Variants in USH2A observed in about 807,000 individuals in gnomAD.
USH2A encodes usherin.
A neutral mutation model predicts 538.9 loss-of-function variants in USH2A; 443 were observed. That is an observed-to-expected ratio of 0.82 (90% CI 0.76 to 0.89). The LOEUF (loss-of-function observed/expected upper bound fraction) is 0.89, where lower values mean the gene tolerates loss of function less well. Ranked by LOEUF, USH2A falls within the 40% of genes least tolerant of loss-of-function variation. USH2A has a pLI of 0.00. For synonymous variants in USH2A, 2,413 were observed against 2,273.5 expected, an observed-to-expected ratio of 1.06 and a Z score of -1.75; for missense variants, 6,633 against 6,324.8, an observed-to-expected ratio of 1.05 and a Z score of -1.65.
intron 27 of USH2A, among the ~76,000 whole-genome samples, chr1:216,076,721 C>A (rs2031766496): frequency 6.6e-6 from 1 of 152,154 alleles, no homozygotes; most frequent in Admixed American, 6.6e-5. Context: ...CTCCTTACTA[C>A]TACCCTTCTA....
intron 37 of USH2A, among the ~76,000 whole-genome samples, chr1:215,952,623 T>C (rs1264141407): frequency 2.0e-5 from 3 of 152,200 alleles, no homozygotes; most frequent in Non-Finnish European, 2.9e-5. Flanking sequence ...GTATTTTTTT[T>C]CTCCTTCACT....
At chr1:215,657,653 T>C (rs927878598) in intron 64 of USH2A, among the ~76,000 whole-genome samples, 2 of 152,160 alleles carry the variant, frequency 1.3e-5, no homozygotes, top group Non-Finnish European at 2.9e-5. Flanking sequence ...TTAGGCAAGA[T>C]AGAACGTGAT....
At chr1:216,053,904 A>C (rs779733051) in intron 30 of USH2A, among the ~76,000 whole-genome samples, 2 of 152,142 alleles carry the variant, frequency 1.3e-5, no homozygotes, top group Non-Finnish European at 2.9e-5. Flanking sequence ...CAGGGACTTG[A>C]TTTAAGGGAA....
intron 16 of USH2A, among the ~76,000 whole-genome samples, chr1:216,204,829 C>T (rs1367831502): frequency 6.6e-6 from 1 of 152,098 alleles, no homozygotes; most frequent in Non-Finnish European, 1.5e-5. Flanking sequence ...TGTTCAAATG[C>T]CATCATGCAG....
At chr1:216,152,696 T>C (rs2102621456) in intron 21 of USH2A, among the ~76,000 whole-genome samples, 1 of 152,184 alleles carries the variant, frequency 6.6e-6, no homozygotes, top group Admixed American at 6.5e-5. Context: ...TGAAATCCTG[T>C]AAGAGCAGGG....
In USH2A at chr1:216,200,008, T is replaced by G; in HGVS notation, c.3430A>C (p.Lys1144Gln). 6.2e-7 allele frequency: 1 copy of G among 1,614,140 alleles called. No homozygotes were observed. Among genetic ancestry groups the G allele is most frequent in the Non-Finnish European group, 8.5e-7 (1 of 1,179,998 alleles). ...TRSVAVTYKT[K>Q]PGVPEGNLTL... is the part of the protein sequence containing the mutation. ...AAGTTTCCCTCTGGGACCCCTGGTT[T>G]TGTCTTGTAAGTGACAGCTACACTC... is the stretch of plus-strand genomic sequence containing the variant. The change falls in exon 17 of 72, where the codon AAA becomes CAA. Residue 1144 changes from lysine (K) to glutamine (Q), a missense_variant. Lys to Gln is a moderately conservative substitution (Grantham distance 53). Transcript: ENST00000307340.
intron 30 of USH2A, 93 bp downstream of exon 30, chr1:216,070,008 A>T: frequency 6.9e-7 from 1 of 1,445,428 alleles, no homozygotes; most frequent in Non-Finnish European, 9.5e-7. Flanking sequence ...TATTTAATAC[A>T]TTTTTCTAAA....
chr1:216,126,616 C>A (rs2033259535), intron 21 of USH2A, among the ~76,000 whole-genome samples: 1 of 152,054 alleles, frequency 6.6e-6, no homozygotes. Flanking sequence ...ATGTAAAAAG[C>A]ACCCAAGGCC....
At chr1:215,675,909 G>A (rs1054269709) in intron 62 of USH2A, among the ~76,000 whole-genome samples, 3 of 151,578 alleles carry the variant, frequency 2.0e-5, no homozygotes, top group Admixed American at 2.0e-4. Context: ...TGACTTAAAT[G>A]GTATTCACAA....
At chr1:215,766,830 T>C in intron 55 of USH2A, 42 bp from the exon 56 acceptor site, 2 of 1,538,010 alleles carry the variant, frequency 1.3e-6, no homozygotes, top group Non-Finnish European at 1.8e-6. Flanking sequence ...CTTAAGAGGA[T>C]TATTTATTAT....
intron 38 of USH2A, among the ~76,000 whole-genome samples, chr1:215,931,712 A>T (rs1248603677): frequency 6.6e-6 from 1 of 152,034 alleles, no homozygotes; most frequent in Non-Finnish European, 1.5e-5. Context: ...TCATTCACCA[A>T]TTATTCATTA....
At chr1:216,206,377 G>C (rs1057248207) in intron 16 of USH2A, among the ~76,000 whole-genome samples, 1 of 152,118 alleles carries the variant, frequency 6.6e-6, no homozygotes, top group African/African-American at 2.4e-5. Context: ...GAGGAGGGAT[G>C]GTTTTGGCAT....
At chr1:216,038,864 C>T (rs543987600) in intron 32 of USH2A, among the ~76,000 whole-genome samples, 2 of 152,022 alleles carry the variant, frequency 1.3e-5, no homozygotes, top group Non-Finnish European at 2.9e-5. Context: ...CAGCATTTAA[C>T]TCCATTGCTT....
intron 32 of USH2A, among the ~76,000 whole-genome samples, chr1:216,040,220 T>C (rs930936181): frequency 1.3e-5 from 2 of 152,024 alleles, no homozygotes; most frequent in African/African-American, 4.8e-5. Context: ...CTTATTTAAC[T>C]ATAAGATGAC....
chr1:216,404,530 C>A (rs994406910), intron 3 of USH2A, among the ~76,000 whole-genome samples: 2 of 151,806 alleles, frequency 1.3e-5, no homozygotes, highest in African/African-American at 4.8e-5. Context: ...AAGGATATAG[C>A]CTTTTCAACT....
In USH2A at chr1:215,674,006, A is replaced by AT. The variant is rs544256340; in HGVS notation, c.13811+93dup. On this transcript the variant is annotated intron_variant, in intron 63 of 71. Coordinates refer to ENST00000307340, the MANE Select transcript of USH2A (RefSeq NM_206933.4). The stretch of plus-strand genomic sequence containing the variant: ...GGAGGTTGGGGACACCTTGCATCCC[A>AT]TTTTTAGAGTCTTCATTAGAACTGA... The AT allele has an allele frequency of 1.4e-5, 23 of 1,610,444 alleles. No individual in the cohort carries two copies. In the African/African-American group the frequency reaches 2.7e-4, roughly 19 times the overall value.
Position 215,669,480 on chromosome 1 carries a change from TAAA to T in USH2A, c.14133+1489_14133+1491del, listed in dbSNP as rs1158765415. On this transcript the variant is annotated intron_variant, in intron 64 of 71. Transcript: ENST00000307340. The stretch of plus-strand genomic sequence containing the variant: ...TTTGTTTTTAGATTTTGAAATAGGA[TAAA>T]ATGTATATACTGTATATTTTGTAAT... Among the ~76,000 whole-genome samples the T allele has an allele frequency of 4.6e-5, 7 of 152,358 alleles. No individual in the cohort carries two copies. The South Asian group carries it at 1.4e-3, about 32-fold the overall frequency.
chr1:216,359,851 A>G (rs2038458166), intron 4 of USH2A, among the ~76,000 whole-genome samples: 1 of 152,138 alleles, frequency 6.6e-6, no homozygotes, highest in Non-Finnish European at 1.5e-5. Flanking sequence ...ATGAAGTTCA[A>G]AAACAATACT....
intron 9 of USH2A, among the ~76,000 whole-genome samples, chr1:216,309,130 A>T (rs1014485343): frequency 6.6e-6 from 1 of 152,206 alleles, no homozygotes; most frequent in Non-Finnish European, 1.5e-5. Flanking sequence ...GGTACATGCC[A>T]ACCTTATAAA....
Sources: allele counts gnomAD v4.1 joint callset (sites outside exome capture counted in the v4.1 genomes callset), GRCh38; gene constraint gnomAD v4.1.1; transcripts MANE v1.5; gene names NCBI Gene and HGNC (gene_info 2026-07-23, HGNC 2026-07-21).